Variants in BLK observed in about 807,000 individuals in gnomAD.
BLK encodes the protein BLK proto-oncogene, Src family tyrosine kinase.
A neutral mutation model predicts 61.8 loss-of-function variants in BLK; 64 were observed. The observed-to-expected ratio is 1.03, with a 90% CI of 0.85 to 1.27. The LOEUF (loss-of-function observed/expected upper bound fraction) is 1.27. Ranked by LOEUF, BLK falls within the 50% of genes most tolerant of loss-of-function variation. The probability of loss-of-function intolerance (pLI) is 0.00; values close to 1 mark genes in which losing one functional copy is unlikely to be tolerated. For synonymous variants in BLK, 351 were observed against 272.0 expected, an observed-to-expected ratio of 1.29 and a Z score of -2.86; for missense variants, 853 against 660.5, an observed-to-expected ratio of 1.29 and a Z score of -3.19.
chr8:11,503,331 G>A (rs771559104), intron 1 of BLK, among the ~76,000 whole-genome samples: 4 of 152,190 alleles, frequency 2.6e-5, no homozygotes, highest in Non-Finnish European at 2.9e-5. Context: ...GGGAGCTTGT[G>A]TGTAGGTGGG....
At chr8:11,541,596 C>G (rs1011113199) in intron 1 of BLK, among the ~76,000 whole-genome samples, 2 of 151,616 alleles carry the variant, frequency 1.3e-5, no homozygotes, top group Non-Finnish European at 2.9e-5. Context: ...CTCCTGGGTT[C>G]AAGTGATTCT....
intron 1 of BLK, among the ~76,000 whole-genome samples, chr8:11,530,997 G>T (rs1563445838): frequency 6.6e-6 from 1 of 152,150 alleles, no homozygotes; most frequent in Non-Finnish European, 1.5e-5. Context: ...CCATATGCTT[G>T]CCAACACTTG....
At chr8:11,522,555 G>A (rs1204361445) in intron 1 of BLK, among the ~76,000 whole-genome samples, 1 of 152,028 alleles carries the variant, frequency 6.6e-6, no homozygotes. Flanking sequence ...TCTCACATAT[G>A]TGCAAAACAG....
intron 1 of BLK, among the ~76,000 whole-genome samples, chr8:11,506,639 A>T (rs1320341007): frequency 3.3e-5 from 5 of 152,212 alleles, no homozygotes; most frequent in Admixed American, 3.3e-4. Context: ...ACCTTTCTCC[A>T]GGGTGGGGTC....
chr8:11,505,296 G>A (rs1798727071), intron 1 of BLK, among the ~76,000 whole-genome samples: 2 of 152,130 alleles, frequency 1.3e-5, no homozygotes, highest in African/African-American at 4.8e-5. Flanking sequence ...TCTTTCTACT[G>A]TACAAAGTTT....
At chr8:11,530,778 T>C (rs903327836) in intron 1 of BLK, among the ~76,000 whole-genome samples, 2 of 152,250 alleles carry the variant, frequency 1.3e-5, no homozygotes, top group African/African-American at 4.8e-5. Context: ...CTGAATGTTT[T>C]GGTTGTTTCC....
At chr8:11,556,505 G>A (rs560259703) in intron 8 of BLK, 153 bp from the exon 9 acceptor site, 3 of 894,926 alleles carry the variant, frequency 3.4e-6, no homozygotes, top group East Asian at 5.2e-5. Context: ...CGCAAGGTAG[G>A]CACCACACAA....
At chr8:11,507,266 G>C (rs974449051) in intron 1 of BLK, among the ~76,000 whole-genome samples, 7 of 152,194 alleles carry the variant, frequency 4.6e-5, no homozygotes, top group South Asian at 4.1e-4. Context: ...GTTAGAATTG[G>C]AAGGACGATG....
intron 1 of BLK, among the ~76,000 whole-genome samples, chr8:11,525,837 C>G (rs922451139): frequency 6.6e-6 from 1 of 152,086 alleles, no homozygotes; most frequent in Admixed American, 6.6e-5. Context: ...CTCTGCCTCC[C>G]TGGTTCAAGC....
chr8:11,556,552 C>A, intron 8 of BLK, 106 bp from the exon 9 acceptor site: 1 of 1,366,614 alleles, frequency 7.3e-7, no homozygotes, highest in Non-Finnish European at 1.0e-6. Context: ...AGCTCTGGCA[C>A]CTGGAATGGG....
At position 11,563,932 on chromosome 8, in the gene BLK, C is replaced by T. The variant is rs889838825; in HGVS notation, c.1342C>T (p.Leu448=). ...GMSNPEVIRN[L]ERGYRMPRPD... ...GAGCAACCCCGAGGTCATCCGCAAC[C>T]TGGAGCGCGGCTACCGCATGCCGCG... The change falls in exon 13 of 13, where the codon CTG becomes TTG. Residue 448 remains leucine, a synonymous_variant. Transcript: ENST00000259089. 5.0e-6 allele frequency: 8 copies of T among 1,608,652 alleles called. No individual in the cohort carries two copies. The Middle Eastern group carries it at 5.0e-4, about 100-fold the overall frequency.
intron 1 of BLK, among the ~76,000 whole-genome samples, chr8:11,536,215 T>C (rs988805758): frequency 6.6e-6 from 1 of 152,108 alleles, no homozygotes; most frequent in Non-Finnish European, 1.5e-5. Context: ...AAATGCAAAA[T>C]ATGGGGTGGT....
intron 2 of BLK, 74 bp from the exon 3 acceptor site, chr8:11,545,978 C>A: frequency 6.6e-7 from 1 of 1,511,368 alleles, no homozygotes; most frequent in Non-Finnish European, 9.2e-7. Context: ...CTGCCCGGCT[C>A]AGCAGTCTCA....
At chr8:11,541,767 G>A (rs903537021) in intron 1 of BLK, among the ~76,000 whole-genome samples, 1 of 151,964 alleles carries the variant, frequency 6.6e-6, no homozygotes, top group South Asian at 2.1e-4. Flanking sequence ...CAAAGTGCTG[G>A]GATTACAGGT....
chr8:11,561,147 A>C (rs1326945172), intron 10 of BLK, 155 bp from the exon 11 acceptor site: 2 of 1,113,824 alleles, frequency 1.8e-6, no homozygotes, highest in Admixed American at 2.0e-5. Context: ...AGAGGAGTTT[A>C]TTCGGCTGAG....
intron 8 of BLK, chr8:11,555,962 TC>T (rs33925910): frequency 0.98 from 246,575 of 252,710 alleles, 120,399 homozygotes; most frequent in Middle Eastern, 0.99. Flanking sequence ...CCTGCCCCCT[TC>T]CCCCCCCCGC....
At chr8:11,533,167 C>T (rs530943973) in intron 1 of BLK, among the ~76,000 whole-genome samples, 1 of 152,210 alleles carries the variant, frequency 6.6e-6, no homozygotes, top group Non-Finnish European at 1.5e-5. Context: ...GCCTCTCTAG[C>T]AGGACATCTG....
chr8:11,554,519 G>C (rs1232946137), intron 6 of BLK, among the ~76,000 whole-genome samples: 2 of 152,184 alleles, frequency 1.3e-5, no homozygotes, highest in African/African-American at 4.8e-5. Context: ...AGTTTTGCAG[G>C]ATAGTGGGGG....
intron 1 of BLK, among the ~76,000 whole-genome samples, chr8:11,519,453 T>C (rs537393512): frequency 5.3e-5 from 8 of 152,356 alleles, no homozygotes; most frequent in African/African-American, 1.9e-4. Context: ...GATGAAGCTA[T>C]ATACATACAT....
Sources: gnomAD v4.1 joint callset for allele counts (sites outside exome capture counted in the v4.1 genomes callset) on GRCh38, gnomAD v4.1.1 for gene constraint, MANE v1.5 for transcripts, NCBI Gene and HGNC (gene_info 2026-07-23, HGNC 2026-07-21) for gene names.